The following RBFOX3 variants were observed in gnomAD, a reference collection of about 807,000 sequenced individuals.
RBFOX3 encodes RNA binding protein fox-1 homolog 3.
A neutral mutation model predicts 48.7 loss-of-function variants in RBFOX3; 17 were observed. The observed-to-expected ratio is 0.35, with a 90% CI of 0.24 to 0.52. The LOEUF is 0.52. Among genes scored for constraint, RBFOX3 ranks in the 20% least tolerant of loss-of-function variants. The pLI, the probability that RBFOX3 is intolerant of heterozygous loss-of-function variation, is 0.94. For synonymous variants in RBFOX3, 212 were observed against 209.5 expected (o/e 1.01, Z -0.10); for missense variants, 382 against 497.5 (o/e 0.77, Z 2.21).
chr17:79,251,606 C>T (rs1304720930), intron 3 of RBFOX3, among the ~76,000 whole-genome samples: 1 of 152,206 alleles, frequency 6.6e-6, no homozygotes, highest in African/African-American at 2.4e-5. Flanking sequence ...ATCCACATGG[C>T]TCAGGCCCCT....
rs151072225 is a variant in RBFOX3 at position 79,353,547 on chromosome 17, C to T, written c.-174-45723G>A. On this transcript the variant is annotated intron_variant, in intron 2 of 14. Transcript: ENST00000693108. ...AGATGCCACTATATAAGAAGCAATA[C>T]TGCCCGGAGAAATACCCATCACTCA... Among the ~76,000 whole-genome samples the T allele has an allele frequency of 2.5e-3, 378 of 152,342 alleles. 1 individual carries two copies. The highest frequency in any genetic ancestry group is 8.6e-3 in the African/African-American group (359 of 41,576).
intron 2 of RBFOX3, among the ~76,000 whole-genome samples, chr17:79,376,492 C>T (rs189320072): frequency 1.9e-4 from 29 of 152,276 alleles, no homozygotes; most frequent in Non-Finnish European, 3.2e-4. Flanking sequence ...GGAACCCCCA[C>T]CCCAAAACAC....
At chr17:79,144,403 A>G (rs1340878873) in intron 4 of RBFOX3, among the ~76,000 whole-genome samples, 4 of 152,188 alleles carry the variant, frequency 2.6e-5, no homozygotes, top group Non-Finnish European at 5.9e-5. Context: ...CATGACCCCC[A>G]GCTTCCCAAG....
chr17:79,330,224 C>A (rs940430081), intron 2 of RBFOX3, among the ~76,000 whole-genome samples: 6 of 152,232 alleles, frequency 3.9e-5, no homozygotes, highest in African/African-American at 1.2e-4. Context: ...CCCTGTGCCC[C>A]CTGACCCCCG....
At chr17:79,216,874 G>A (rs1194919525) in intron 4 of RBFOX3, among the ~76,000 whole-genome samples, 3 of 152,234 alleles carry the variant, frequency 2.0e-5, no homozygotes, top group Middle Eastern at 3.4e-3. Context: ...TGAGGAACAC[G>A]AGTCCCCTGC....
chr17:79,319,691 G>T (rs2078147472), intron 2 of RBFOX3, among the ~76,000 whole-genome samples: 1 of 151,964 alleles, frequency 6.6e-6, no homozygotes, highest in Non-Finnish European at 1.5e-5. Context: ...TATCTGGGCT[G>T]CTGGTCTTGT....
At chr17:79,229,824 G>A (rs883243) in intron 4 of RBFOX3, among the ~76,000 whole-genome samples, 4,317 of 152,244 alleles carry the variant, frequency 0.028, 156 homozygotes, top group African/African-American at 0.075. Flanking sequence ...GGGCCTGGGT[G>A]AATAATCGAC....
chr17:79,231,744 T>C (rs2061059071), intron 4 of RBFOX3, among the ~76,000 whole-genome samples: 1 of 152,214 alleles, frequency 6.6e-6, no homozygotes, highest in South Asian at 2.1e-4. Context: ...AGATGTTCAA[T>C]ATCCATACAC....
At chr17:79,420,335 C>G (rs1291286300) in intron 2 of RBFOX3, among the ~76,000 whole-genome samples, 6 of 152,184 alleles carry the variant, frequency 3.9e-5, no homozygotes, top group African/African-American at 1.2e-4. Context: ...ACTTGTTTAT[C>G]TACAAGTTTC....
At chr17:79,335,712 T>G (rs938386662) in intron 2 of RBFOX3, among the ~76,000 whole-genome samples, 16 of 152,212 alleles carry the variant, frequency 1.1e-4, no homozygotes, top group African/African-American at 3.4e-4. Flanking sequence ...CACGTGCTCA[T>G]GCTCACAGGT....
At chr17:79,373,929 G>T (rs1177824616) in intron 2 of RBFOX3, among the ~76,000 whole-genome samples, 1 of 152,182 alleles carries the variant, frequency 6.6e-6, no homozygotes, top group Non-Finnish European at 1.5e-5. Flanking sequence ...CGCGATCTCG[G>T]CTCACTGCAA....
At chr17:79,101,908 TCCCAGGCA>T (rs1424678183) in intron 8 of RBFOX3, among the ~76,000 whole-genome samples, 1 of 152,122 alleles carries the variant, frequency 6.6e-6, no homozygotes, top group African/African-American at 2.4e-5. Context: ...AGCCCCAGGC[TCCCAGGCA>T]CCCCAGGACA....
upstream of RBFOX3, among the ~76,000 whole-genome samples, chr17:79,614,360 C>T (rs894630923): frequency 1.3e-5 from 2 of 152,296 alleles, no homozygotes; most frequent in African/African-American, 4.8e-5. Flanking sequence ...GGCAGGAGGC[C>T]GGAAGAATCT....
chr17:79,441,152 G>A (rs2070826634), intron 2 of RBFOX3, among the ~76,000 whole-genome samples: 2 of 152,238 alleles, frequency 1.3e-5, no homozygotes, highest in South Asian at 4.1e-4. Context: ...GCCTGGGGCA[G>A]GGTCATCAGG....
At chr17:79,644,743 C>A in the RBFOX3 span, among the ~76,000 whole-genome samples, 3 of 151,990 alleles carry the variant, frequency 2.0e-5, no homozygotes, top group Non-Finnish European at 4.4e-5. Context: ...CATCTCTGGG[C>A]GAAAGTAAAG....
At chr17:79,155,647 G>C (rs899879821) in intron 4 of RBFOX3, among the ~76,000 whole-genome samples, 3 of 152,098 alleles carry the variant, frequency 2.0e-5, no homozygotes, top group Admixed American at 1.3e-4. Context: ...CTGTCCCTTA[G>C]GGGCACGGAG....
At chr17:79,401,650 G>A (rs1486009099) in intron 2 of RBFOX3, among the ~76,000 whole-genome samples, 1 of 152,138 alleles carries the variant, frequency 6.6e-6, no homozygotes, top group Non-Finnish European at 1.5e-5. Flanking sequence ...CCTTCACCCC[G>A]ATCCCATGCC....
chr17:79,232,869 G>C (rs1389934994), intron 4 of RBFOX3, among the ~76,000 whole-genome samples: 5 of 152,224 alleles, frequency 3.3e-5, no homozygotes, highest in African/African-American at 1.2e-4. Context: ...ACAACACCAA[G>C]GGTTGCGGAG....
chr17:79,304,451 A>T (rs868468794), intron 3 of RBFOX3, among the ~76,000 whole-genome samples: 12 of 150,266 alleles, frequency 8.0e-5, no homozygotes, highest in Admixed American at 2.0e-4. Flanking sequence ...GTATATATAT[A>T]TAAATATATA....
Sources: allele counts gnomAD v4.1 joint callset (sites outside exome capture counted in the v4.1 genomes callset), GRCh38; gene constraint gnomAD v4.1.1; transcripts MANE v1.5; gene names NCBI Gene and HGNC (gene_info 2026-07-23, HGNC 2026-07-21).